KIRREL1: variants seen among roughly 807,000 people sequenced by gnomAD.
KIRREL1 encodes the protein kin of IRRE-like protein 1.
Under a neutral mutation model 83.3 loss-of-function variants are expected in KIRREL1, and 25 were observed. The ratio of observed to expected loss-of-function variants is 0.30; its 90% CI spans 0.22 to 0.42. KIRREL1 has a LOEUF of 0.42. Ranked by LOEUF, KIRREL1 falls within the 10% of genes least tolerant of loss-of-function variation. The pLI is 1.00. For synonymous variants in KIRREL1, 388 were observed against 410.4 expected, an observed-to-expected ratio of 0.95 and a Z score of 0.66; for missense variants, 812 against 1,032.3, an observed-to-expected ratio of 0.79 and a Z score of 2.92.
chr1:158,058,631 G>C (rs1558006296), intron 1 of KIRREL1, among the ~76,000 whole-genome samples: 1 of 152,194 alleles, frequency 6.6e-6, no homozygotes. Flanking sequence ...AGCTAGTGCA[G>C]GTACTTTGCA....
chr1:158,071,212 T>G (rs1661505288), intron 1 of KIRREL1, among the ~76,000 whole-genome samples: 1 of 152,192 alleles, frequency 6.6e-6, no homozygotes, highest in East Asian at 1.9e-4. Flanking sequence ...CTGGGCTCTT[T>G]CCTACAGAGC....
chr1:158,046,654 G>T (rs892855749), intron 1 of KIRREL1, among the ~76,000 whole-genome samples: 3 of 152,118 alleles, frequency 2.0e-5, no homozygotes, highest in Non-Finnish European at 4.4e-5. Context: ...AAACCCAAAA[G>T]ACTGTGGGGT....
At chr1:158,011,509 A>G (rs1014403662) in intron 1 of KIRREL1, among the ~76,000 whole-genome samples, 1 of 152,188 alleles carries the variant, frequency 6.6e-6, no homozygotes, top group African/African-American at 2.4e-5. Context: ...TGGGCACTTC[A>G]GGATTCTCTC....
intron 1 of KIRREL1, among the ~76,000 whole-genome samples, chr1:157,997,570 G>A (rs1389471114): frequency 2.0e-5 from 3 of 152,062 alleles, no homozygotes; most frequent in African/African-American, 7.2e-5. Context: ...AAAGAACTAT[G>A]TTGTGGCAGA....
chr1:158,018,954 A>G (rs1659919857), intron 1 of KIRREL1, among the ~76,000 whole-genome samples: 1 of 152,214 alleles, frequency 6.6e-6, no homozygotes, highest in Non-Finnish European at 1.5e-5. Context: ...GCAGCAAAGA[A>G]GTTACATAAG....
Position 158,096,985 on chromosome 1 carries a change from A to T in KIRREL1, c.*1865A>T, listed in dbSNP as rs1233999253. 1 of 456,682 alleles carries T rather than the reference A, an allele frequency of 2.2e-6. No individual in the cohort carries two copies. Among genetic ancestry groups the T allele is most frequent in the Non-Finnish European group, 4.4e-6 (1 of 226,958 alleles). 28.3% of individuals were successfully genotyped at this position (456,682 alleles called of 1,614,324 possible). On this transcript the variant is annotated 3_prime_UTR_variant, in exon 15 of 15. Coordinates refer to ENST00000359209, the MANE Select transcript of KIRREL1 (RefSeq NM_018240.7). The stretch of plus-strand genomic sequence containing the variant: ...GTCTGGGGGGCGACATTCCTGGCCA[A>T]CCCCTTGTAGGAAGGACCAGATAAT...
intron 8 of KIRREL1, 124 bp from the exon 9 acceptor site, chr1:158,089,371 CCCCATTT>C: frequency 7.0e-7 from 1 of 1,436,844 alleles, no homozygotes; most frequent in Non-Finnish European, 9.5e-7. Context: ...GACTCGGGAA[CCCCATTT>C]CCCTTCTGGG....
chr1:158,061,273 G>C (rs1661209207), intron 1 of KIRREL1, among the ~76,000 whole-genome samples: 1 of 152,174 alleles, frequency 6.6e-6, no homozygotes. Context: ...TTGTGAGATA[G>C]GTGTCACAAG....
Position 158,016,303 on chromosome 1 carries a change from C to CA in KIRREL1, c.52+22587dup, listed in dbSNP as rs10710009. ...TGGGGGACAGAGCGAGACTCTGTCT[C>CA]AAAAAAAAAAAAGAAAGCAAAGAAA... On this transcript the variant is annotated intron_variant, in intron 1 of 14. Coordinates refer to ENST00000359209, the MANE Select transcript of KIRREL1 (RefSeq NM_018240.7). Among the ~76,000 whole-genome samples, 16 of 145,132 alleles carry CA rather than the reference C, an allele frequency of 1.1e-4. 1 individual carries two copies. The highest frequency in any genetic ancestry group is 2.5e-4 in the African/African-American group (10 of 39,482).
intron 4 of KIRREL1, among the ~76,000 whole-genome samples, 183 bp downstream of exon 4, chr1:158,084,762 C>T (rs145901389): frequency 6.6e-6 from 1 of 152,360 alleles, no homozygotes; most frequent in East Asian, 1.9e-4. Context: ...GAAATGAATT[C>T]CTAGGTTTAC....
chr1:158,040,076 T>C (rs1056817129), intron 1 of KIRREL1, among the ~76,000 whole-genome samples: 1 of 152,228 alleles, frequency 6.6e-6, no homozygotes, highest in Non-Finnish European at 1.5e-5. Context: ...TATTTTTCCT[T>C]TGCACAAATT....
At chr1:158,071,061 T>C (rs1259483328) in intron 1 of KIRREL1, among the ~76,000 whole-genome samples, 2 of 152,114 alleles carry the variant, frequency 1.3e-5, no homozygotes, top group African/African-American at 4.8e-5. Flanking sequence ...TCTGTCTTTC[T>C]CCTGGTCTCC....
chr1:158,005,627 G>A (rs999637221), intron 1 of KIRREL1, among the ~76,000 whole-genome samples: 1 of 151,826 alleles, frequency 6.6e-6, no homozygotes, highest in Non-Finnish European at 1.5e-5. Flanking sequence ...AGAGCTTCTG[G>A]TCTGGGCCTT....
intron 1 of KIRREL1, among the ~76,000 whole-genome samples, chr1:158,055,376 T>C (rs893329513): frequency 6.6e-6 from 1 of 152,126 alleles, no homozygotes; most frequent in Non-Finnish European, 1.5e-5. Flanking sequence ...TTAAGTCCTT[T>C]ACTTTTGCAG....
At chr1:158,084,609 C>T (rs1386028010) in intron 4 of KIRREL1, 30 bp downstream of exon 4, 1 of 1,548,724 alleles carries the variant, frequency 6.5e-7, no homozygotes, top group Non-Finnish European at 8.7e-7. Context: ...CCCAGCTCCT[C>T]CTGGGCCTAG....
In KIRREL1 at chr1:158,088,353, A is replaced by G; in HGVS notation, c.943A>G (p.Lys315Glu). ...TGCTCCCCGGATTGTAGTTGACCCC[A>G]AACCCACAACCACAGACATTGGCTC... Reference protein sequence around the residue: ...HFAPRIVVDPKPTTTDIGSDV... With the variant: ...HFAPRIVVDPEPTTTDIGSDV... The change falls in exon 8 of 15, where the codon AAA (lysine) becomes GAA (glutamate). Residue 315 changes from lysine (K) to glutamate (E), a missense_variant. By Grantham distance (56) the Lys-to-Glu change is moderately conservative. Coordinates refer to ENST00000359209, the MANE Select transcript of KIRREL1 (RefSeq NM_018240.7). 6.2e-7 allele frequency: 1 copy of G among 1,613,058 alleles called. No individual in the cohort carries two copies. Among genetic ancestry groups the G allele is most frequent in the Non-Finnish European group, 8.5e-7 (1 of 1,179,602 alleles).
chr1:158,039,847 G>C (rs1211701850), intron 1 of KIRREL1, among the ~76,000 whole-genome samples: 2 of 152,230 alleles, frequency 1.3e-5, no homozygotes, highest in African/African-American at 4.8e-5. Flanking sequence ...GAGAGAGCTT[G>C]TCTGTCTTGT....
At chr1:158,023,430 T>G (rs1295697196) in intron 1 of KIRREL1, among the ~76,000 whole-genome samples, 1 of 152,200 alleles carries the variant, frequency 6.6e-6, no homozygotes, top group African/African-American at 2.4e-5. Context: ...TCCAGTTAAG[T>G]AAATTTTCAC....
intron 1 of KIRREL1, among the ~76,000 whole-genome samples, chr1:158,068,018 A>C (rs761229754): frequency 6.6e-6 from 1 of 152,160 alleles, no homozygotes; most frequent in Non-Finnish European, 1.5e-5. Context: ...GCGGTGGCCA[A>C]GCTGCTTGGA....
Sources: allele counts gnomAD v4.1 joint callset (sites outside exome capture counted in the v4.1 genomes callset), GRCh38; gene constraint gnomAD v4.1.1; transcripts MANE v1.5; gene names NCBI Gene and HGNC (gene_info 2026-07-23, HGNC 2026-07-21).